Variants in SUGCT observed in about 807,000 individuals in gnomAD.
SUGCT encodes succinyl-CoA:glutarate-CoA transferase.
A neutral mutation model predicts 55.0 loss-of-function variants in SUGCT; 41 were observed. That is an observed-to-expected ratio of 0.74 (90% CI 0.58 to 0.97). SUGCT has a LOEUF of 0.97. SUGCT is among the 50% of genes least tolerant of loss of function. The pLI, the probability that SUGCT is intolerant of heterozygous loss-of-function variation, is 0.00. For synonymous variants in SUGCT, 187 were observed against 200.4 expected, an observed-to-expected ratio of 0.93 and a Z score of 0.56; for missense variants, 568 against 547.8, an observed-to-expected ratio of 1.04 and a Z score of -0.37.
intron 11 of SUGCT, among the ~76,000 whole-genome samples, chr7:40,471,240 T>A (rs1206337190): frequency 6.6e-6 from 1 of 152,068 alleles, no homozygotes; most frequent in African/African-American, 2.4e-5. Flanking sequence ...TTATCTAAAA[T>A]AGAGGATAAA....
chr7:40,924,960 A>G, the SUGCT span, among the ~76,000 whole-genome samples: 2 of 152,184 alleles, frequency 1.3e-5, no homozygotes, highest in African/African-American at 4.8e-5. Context: ...TTCATTCTCT[A>G]GTCATATGGA....
the SUGCT span, among the ~76,000 whole-genome samples, chr7:40,868,717 T>C: frequency 6.6e-6 from 1 of 152,134 alleles, no homozygotes; most frequent in Non-Finnish European, 1.5e-5. Context: ...AGCTAATTTT[T>C]AAATTTTTTA....
intron 9 of SUGCT, among the ~76,000 whole-genome samples, chr7:40,448,924 ATGTGTG>A (rs778913706): frequency 3.9e-4 from 56 of 145,112 alleles, no homozygotes; most frequent in African/African-American, 7.6e-4. Flanking sequence ...GTGTGTATAT[ATGTGTG>A]TGTGTGTGTG....
At chr7:40,186,605 G>A (rs1785526821) in intron 3 of SUGCT, among the ~76,000 whole-genome samples, 1 of 152,088 alleles carries the variant, frequency 6.6e-6, no homozygotes, top group Non-Finnish European at 1.5e-5. Flanking sequence ...ATTTTTATTT[G>A]TGTAACCAAA....
At chr7:40,854,725 C>T (rs1257546523) in intron 13 of SUGCT, among the ~76,000 whole-genome samples, 3 of 151,778 alleles carry the variant, frequency 2.0e-5, no homozygotes, top group African/African-American at 4.8e-5. Flanking sequence ...GACGATGAGG[C>T]CAGGAGTTTG....
chr7:40,381,528 A>T (rs1172884009), intron 9 of SUGCT, among the ~76,000 whole-genome samples: 1 of 152,132 alleles, frequency 6.6e-6, no homozygotes, highest in African/African-American at 2.4e-5. Context: ...AAAAACCCTA[A>T]ATCTGTTGAC....
intron 9 of SUGCT, among the ~76,000 whole-genome samples, chr7:40,395,489 CAAAAAAAAAAAAAAAAAAAAA>C (rs36068766): frequency 2.2e-5 from 1 of 46,132 alleles, no homozygotes; most frequent in African/African-American, 7.4e-5. Context: ...AACTCTGTCT[CAAAAAAAAAAAAAAAAAAAAA>C]AAAAGAAAAA....
At chr7:40,420,286 C>G (rs1432315629) in intron 9 of SUGCT, among the ~76,000 whole-genome samples, 2 of 151,990 alleles carry the variant, frequency 1.3e-5, no homozygotes, top group African/African-American at 2.4e-5. Context: ...ATAGTCAGAT[C>G]ATGTTATGCA....
chr7:41,033,414 G>A, the SUGCT span, among the ~76,000 whole-genome samples: 36 of 152,140 alleles, frequency 2.4e-4, no homozygotes, highest in Non-Finnish European at 4.8e-4. Context: ...AGAGGTAGCT[G>A]TCAAAAACTA....
the SUGCT span, among the ~76,000 whole-genome samples, chr7:40,941,522 T>G: frequency 6.6e-6 from 1 of 152,126 alleles, no homozygotes; most frequent in East Asian, 1.9e-4. Flanking sequence ...AATGTTCTGA[T>G]TAGAAGAATG....
chr7:40,832,431 A>G (rs911556178), intron 13 of SUGCT, among the ~76,000 whole-genome samples: 1 of 152,138 alleles, frequency 6.6e-6, no homozygotes, highest in Non-Finnish European at 1.5e-5. Context: ...GTAATAGGAC[A>G]CATGTTCTCC....
chr7:40,138,489 T>C (rs1787812810), intron 1 of SUGCT, among the ~76,000 whole-genome samples: 1 of 152,222 alleles, frequency 6.6e-6, no homozygotes, highest in East Asian at 1.9e-4. Context: ...TGTAATGATT[T>C]CTTTTCCTTT....
chr7:40,711,973 C>T (rs930863581), intron 12 of SUGCT, among the ~76,000 whole-genome samples: 7 of 152,200 alleles, frequency 4.6e-5, no homozygotes, highest in Non-Finnish European at 1.0e-4. Flanking sequence ...CACTCTCATT[C>T]AGTTCTTCCC....
chr7:40,543,968 A>G (rs1794845161), intron 12 of SUGCT, among the ~76,000 whole-genome samples: 1 of 152,190 alleles, frequency 6.6e-6, no homozygotes, highest in African/African-American at 2.4e-5. Context: ...ATGGCTTCAC[A>G]AAAATGCCCA....
chr7:40,213,292 C>T (rs1787448223), intron 6 of SUGCT, among the ~76,000 whole-genome samples: 1 of 152,172 alleles, frequency 6.6e-6, no homozygotes, highest in Non-Finnish European at 1.5e-5. Flanking sequence ...AACAGTTTCT[C>T]AGTCTTTCCT....
intron 12 of SUGCT, among the ~76,000 whole-genome samples, chr7:40,533,257 A>G (rs1352837499): frequency 6.6e-6 from 1 of 152,116 alleles, no homozygotes; most frequent in Non-Finnish European, 1.5e-5. Flanking sequence ...CACATTCTCA[A>G]TTGTTTCATA....
the SUGCT span, among the ~76,000 whole-genome samples, chr7:41,028,881 A>G: frequency 2.6e-5 from 4 of 152,176 alleles, no homozygotes; most frequent in African/African-American, 4.8e-5. Context: ...TGGGATATCA[A>G]TTGTGCCTCC....
chr7:41,026,665 T>C, the SUGCT span, among the ~76,000 whole-genome samples: 2 of 152,240 alleles, frequency 1.3e-5, no homozygotes, highest in African/African-American at 2.4e-5. Flanking sequence ...GTGAGAAGTC[T>C]TGTACGGTCT....
intron 9 of SUGCT, chr7:40,387,861 A>G (rs549284920): frequency 5.9e-5 from 9 of 152,308 alleles, no homozygotes; most frequent in African/African-American, 1.9e-4. Context: ...ATCGTCCTCT[A>G]ACTGTTCCTG....
Sources: gnomAD v4.1 joint callset for allele counts (sites outside exome capture counted in the v4.1 genomes callset) on GRCh38, gnomAD v4.1.1 for gene constraint, MANE v1.5 for transcripts, NCBI Gene and HGNC (gene_info 2026-07-23, HGNC 2026-07-21) for gene names.